Variants in RABGAP1L observed in about 807,000 individuals in gnomAD.
The protein encoded by RABGAP1L is RAB GTPase activating protein 1 like.
Under a neutral mutation model 137.7 loss-of-function variants are expected in RABGAP1L, and 63 were observed. That is an observed-to-expected ratio of 0.46 (90% CI 0.37 to 0.56). The LOEUF (loss-of-function observed/expected upper bound fraction) is 0.56. RABGAP1L is among the 20% of genes least tolerant of loss of function. The pLI is 0.00. For synonymous variants in RABGAP1L, 431 were observed against 433.7 expected (o/e 0.99, Z 0.08); for missense variants, 1,095 against 1,244.0 (o/e 0.88, Z 1.80).
chr1:174,303,828 T>C (rs952159852), intron 10 of RABGAP1L, among the ~76,000 whole-genome samples: 2 of 152,196 alleles, frequency 1.3e-5, no homozygotes, highest in African/African-American at 4.8e-5. Flanking sequence ...TTGAGTTGTT[T>C]ATACAAAACA....
At chr1:174,646,290 C>T (rs1432762538) in intron 14 of RABGAP1L, among the ~76,000 whole-genome samples, 5 of 152,012 alleles carry the variant, frequency 3.3e-5, no homozygotes, top group African/African-American at 1.2e-4. Flanking sequence ...TTTGCCCATG[C>T]CTATGTCCTG....
intron 11 of RABGAP1L, among the ~76,000 whole-genome samples, chr1:174,347,163 A>T (rs1428786187): frequency 1.3e-5 from 2 of 152,142 alleles, no homozygotes; most frequent in Admixed American, 6.5e-5. Flanking sequence ...ATGATCCATG[A>T]GCTGAGGAGA....
At chr1:174,920,134 C>T (rs1211404997) in intron 19 of RABGAP1L, among the ~76,000 whole-genome samples, 1 of 152,216 alleles carries the variant, frequency 6.6e-6, no homozygotes, top group Non-Finnish European at 1.5e-5. Context: ...ACAGATCTAA[C>T]TCCAATGTTA....
intron 19 of RABGAP1L, among the ~76,000 whole-genome samples, chr1:174,849,048 C>T (rs947077273): frequency 5.3e-5 from 8 of 152,332 alleles, no homozygotes; most frequent in South Asian, 4.1e-4. Context: ...TGACCCCTTG[C>T]GCTTCCCAGG....
rs1339255889 is a variant in RABGAP1L, at chr1:174,700,503, G to A, written c.2025+853G>A. On this transcript the variant is annotated intron_variant, in intron 16 of 25. Transcript: ENST00000681986. ...AGGAGCTCATTGATATGAACTGCCA[G>A]GGGATCCGTAGGTGTCTAAAGAGGG... is the stretch of plus-strand genomic sequence containing the variant. The A allele has an allele frequency of 2.0e-5, 3 of 152,556 alleles. No homozygotes were observed. In the East Asian group the frequency reaches 5.8e-4, roughly 29 times the overall value. 9.5% of individuals were successfully genotyped at this position (152,556 alleles called of 1,614,324 possible).
intron 19 of RABGAP1L, among the ~76,000 whole-genome samples, chr1:174,909,875 C>T (rs1659771662): frequency 6.6e-6 from 1 of 152,284 alleles, no homozygotes; most frequent in Non-Finnish European, 1.5e-5. Flanking sequence ...TGTGGTGGCT[C>T]ATGCCTGTAA....
chr1:174,324,880 G>C (rs74128345), intron 11 of RABGAP1L, among the ~76,000 whole-genome samples: 6,924 of 152,222 alleles, frequency 0.045, 231 homozygotes, highest in Middle Eastern at 0.092. Context: ...AGTTTGGGGG[G>C]ATTATGGAAC....
intron 14 of RABGAP1L, among the ~76,000 whole-genome samples, chr1:174,659,041 T>G (rs1676180084): frequency 6.6e-6 from 1 of 152,182 alleles, no homozygotes; most frequent in African/African-American, 2.4e-5. Flanking sequence ...GGCAGCTCCA[T>G]ATTCATTCCT....
At chr1:174,184,745 G>A (rs533557282) in intron 1 of RABGAP1L, among the ~76,000 whole-genome samples, 1 of 152,280 alleles carries the variant, frequency 6.6e-6, no homozygotes, top group African/African-American at 2.4e-5. Flanking sequence ...GAAGTCTGTG[G>A]TAGCTGTTCT....
chr1:174,377,153 T>C (rs892983105), intron 12 of RABGAP1L, among the ~76,000 whole-genome samples: 1 of 152,120 alleles, frequency 6.6e-6, no homozygotes, highest in African/African-American at 2.4e-5. Flanking sequence ...AATTGTGAGC[T>C]AAATATATAC....
At chr1:174,311,213 A>C (rs949541324) in intron 11 of RABGAP1L, among the ~76,000 whole-genome samples, 1 of 152,122 alleles carries the variant, frequency 6.6e-6, no homozygotes, top group African/African-American at 2.4e-5. Flanking sequence ...ATCATGGCGG[A>C]AAGGGAAGCA....
intron 13 of RABGAP1L, among the ~76,000 whole-genome samples, chr1:174,636,778 A>G (rs1289751173): frequency 2.0e-5 from 3 of 152,222 alleles, no homozygotes; most frequent in East Asian, 1.9e-4. Flanking sequence ...GAGAGAGAGT[A>G]CATTCATCAA....
rs141813896 is a variant in RABGAP1L, at chr1:174,580,728, T to G, written c.1711-56647T>G. Among the ~76,000 whole-genome samples the G allele has an allele frequency of 1.1e-3, 160 of 152,286 alleles. No homozygotes were observed. In the East Asian group the frequency reaches 0.021, roughly 20 times the overall value. On this transcript the variant is annotated intron_variant, in intron 13 of 25. Coordinates refer to ENST00000681986, the MANE Select transcript of RABGAP1L (RefSeq NM_001366446.1). ...CGCACCAACATGGCACATGTATACA[T>G]ATGTAACTAACCTGCATGTTGTGCA...
chr1:174,206,653 A>T (rs571952372), intron 1 of RABGAP1L, among the ~76,000 whole-genome samples: 1 of 152,272 alleles, frequency 6.6e-6, no homozygotes, highest in East Asian at 1.9e-4. Flanking sequence ...CAAACACGTG[A>T]TCTAAAAGCA....
rs190278833 is a variant in RABGAP1L, at chr1:174,628,158, T to C, written c.1711-9217T>C. On this transcript the variant is annotated intron_variant, in intron 13 of 25. Coordinates refer to ENST00000681986, the MANE Select transcript of RABGAP1L (RefSeq NM_001366446.1). ...GTATTAGTTGATAAAAGCAGTACTT[T>C]ATCTGAATAGTTGTTCACTGTTGCT... 2.6e-5 allele frequency among the ~76,000 whole-genome samples: 4 copies of C among 152,314 alleles called. No individual in the cohort carries two copies. The East Asian group carries it at 7.7e-4, about 29-fold the overall frequency.
intron 11 of RABGAP1L, among the ~76,000 whole-genome samples, chr1:174,358,674 A>G (rs1349890683): frequency 1.3e-5 from 2 of 152,152 alleles, no homozygotes; most frequent in African/African-American, 4.8e-5. Flanking sequence ...ATAGGGGTAT[A>G]CTTTAACAGA....
chr1:174,875,472 A>G, intron 19 of RABGAP1L: 1 of 962,100 alleles, frequency 1.0e-6, no homozygotes, highest in South Asian at 4.8e-5. Flanking sequence ...GGAGTAAGGC[A>G]TTGTGGGAAG....
intron 19 of RABGAP1L, among the ~76,000 whole-genome samples, chr1:174,826,094 G>A (rs1320064437): frequency 1.3e-5 from 2 of 152,080 alleles, no homozygotes; most frequent in Admixed American, 6.6e-5. Context: ...CCATCTCTAT[G>A]TCCAGGTGTA....
chr1:174,599,065 G>T (rs554853552), intron 13 of RABGAP1L, among the ~76,000 whole-genome samples: 1 of 147,554 alleles, frequency 6.8e-6, no homozygotes, highest in East Asian at 2.1e-4. Flanking sequence ...CTCTGATGGT[G>T]TTTTAATTTC....
Sources: allele counts gnomAD v4.1 joint callset (sites outside exome capture counted in the v4.1 genomes callset), GRCh38; gene constraint gnomAD v4.1.1; transcripts MANE v1.5; gene names NCBI Gene and HGNC (gene_info 2026-07-23, HGNC 2026-07-21).